The following KCNIP4 variants were observed in gnomAD, a reference collection of about 807,000 sequenced individuals.
KCNIP4 encodes the protein Kv channel-interacting protein 4.
KCNIP4 carries 12 observed loss-of-function variants against 34.0 expected under a neutral mutation model. The observed-to-expected ratio is 0.35, with a 90% CI of 0.23 to 0.57. The LOEUF is 0.57. Among genes scored for constraint, KCNIP4 ranks in the 20% least tolerant of loss-of-function variants. The probability of loss-of-function intolerance (pLI) is 0.83; values close to 1 mark genes in which losing one functional copy is unlikely to be tolerated. For synonymous variants in KCNIP4, 124 were observed against 102.2 expected, an observed-to-expected ratio of 1.21 and a Z score of -1.29; for missense variants, 238 against 311.7, an observed-to-expected ratio of 0.76 and a Z score of 1.78.
chr4:21,386,135 T>C (rs889092362), intron 1 of KCNIP4, among the ~76,000 whole-genome samples: 2 of 152,174 alleles, frequency 1.3e-5, no homozygotes, highest in Non-Finnish European at 2.9e-5. Flanking sequence ...TTTCAGAACC[T>C]TGTGGTTTGT....
At chr4:21,335,408 G>A (rs569760841) in intron 1 of KCNIP4, among the ~76,000 whole-genome samples, 14 of 152,190 alleles carry the variant, frequency 9.2e-5, no homozygotes, top group African/African-American at 3.4e-4. Flanking sequence ...GGCATAGCCA[G>A]CACATAGCAC....
intron 1 of KCNIP4, among the ~76,000 whole-genome samples, chr4:21,340,230 A>C (rs1578099572): frequency 6.7e-6 from 1 of 149,180 alleles, no homozygotes; most frequent in Non-Finnish European, 1.5e-5. Context: ...CTACAAATTT[A>C]TGATCTCCTA....
At chr4:20,918,809 C>A (rs1213214126) in intron 1 of KCNIP4, among the ~76,000 whole-genome samples, 1 of 152,172 alleles carries the variant, frequency 6.6e-6, no homozygotes, top group Admixed American at 6.5e-5. Context: ...TGAGTCCAGA[C>A]TCAATCCAAA....
At chr4:21,304,435 A>C (rs1299228104) in intron 1 of KCNIP4, 2 of 152,456 alleles carry the variant, frequency 1.3e-5, no homozygotes, top group African/African-American at 4.8e-5. Context: ...CGCCGCCGCC[A>C]CCAGTGGCTT....
At chr4:21,627,080 C>A (rs1174898206) in intron 1 of KCNIP4, among the ~76,000 whole-genome samples, 1 of 152,096 alleles carries the variant, frequency 6.6e-6, no homozygotes, top group Non-Finnish European at 1.5e-5. Flanking sequence ...CTTCAGAAAA[C>A]TTTTGCTATT....
chr4:21,179,023 C>T (rs1169121769), intron 1 of KCNIP4, among the ~76,000 whole-genome samples: 1 of 151,904 alleles, frequency 6.6e-6, no homozygotes, highest in Non-Finnish European at 1.5e-5. Context: ...TGCCATGTTG[C>T]CCAGGCTGGT....
intron 1 of KCNIP4, among the ~76,000 whole-genome samples, chr4:21,186,646 T>A (rs1267288623): frequency 6.6e-6 from 1 of 152,048 alleles, no homozygotes; most frequent in Non-Finnish European, 1.5e-5. Context: ...CCTTTTTAAG[T>A]TTATTTGTTT....
intron 1 of KCNIP4, among the ~76,000 whole-genome samples, chr4:21,751,009 G>T (rs147808273): frequency 6.6e-6 from 1 of 152,134 alleles, no homozygotes; most frequent in Non-Finnish European, 1.5e-5. Flanking sequence ...ACTGTAGGAC[G>T]TAGGGGGTGT....
At chr4:21,052,563 G>A (rs1439662679) in intron 1 of KCNIP4, among the ~76,000 whole-genome samples, 1 of 152,184 alleles carries the variant, frequency 6.6e-6, no homozygotes, top group Admixed American at 6.5e-5. Flanking sequence ...TTTCTAGGAA[G>A]TATGCAGAAA....
intron 1 of KCNIP4, among the ~76,000 whole-genome samples, chr4:21,922,191 C>G (rs1045116677): frequency 6.6e-6 from 1 of 152,202 alleles, no homozygotes; most frequent in African/African-American, 2.4e-5. Flanking sequence ...AAAGTCAGCT[C>G]TTCAAAGAAG....
chr4:21,434,414 T>C (rs972928790), intron 1 of KCNIP4, among the ~76,000 whole-genome samples: 7 of 152,146 alleles, frequency 4.6e-5, no homozygotes, highest in Non-Finnish European at 1.0e-4. Flanking sequence ...TTTTAGAATT[T>C]GAACTTTTTT....
intron 1 of KCNIP4, among the ~76,000 whole-genome samples, chr4:21,172,151 C>T (rs1754063947): frequency 1.3e-5 from 2 of 152,076 alleles, no homozygotes; most frequent in African/African-American, 4.8e-5. Context: ...CCTCAGCCTC[C>T]CGAGTAGCTG....
intron 1 of KCNIP4, among the ~76,000 whole-genome samples, chr4:21,839,517 G>T (rs1268116346): frequency 2.0e-5 from 3 of 152,218 alleles, no homozygotes; most frequent in African/African-American, 7.2e-5. Context: ...ACTTTGGGAG[G>T]CCGAGGTGGG....
intron 1 of KCNIP4, among the ~76,000 whole-genome samples, chr4:21,699,724 A>T (rs1472525598): frequency 6.6e-6 from 1 of 152,154 alleles, no homozygotes; most frequent in Non-Finnish European, 1.5e-5. Context: ...AGACATTTTC[A>T]TGGATAAAGT....
At chr4:20,811,826 A>T (rs1168897709) in intron 3 of KCNIP4, among the ~76,000 whole-genome samples, 1 of 152,204 alleles carries the variant, frequency 6.6e-6, no homozygotes, top group Non-Finnish European at 1.5e-5. Context: ...GAAGTTGCTT[A>T]TGATCTTGTA....
intron 1 of KCNIP4, among the ~76,000 whole-genome samples, chr4:21,881,915 C>T (rs2109386052): frequency 6.6e-6 from 1 of 152,218 alleles, no homozygotes; most frequent in East Asian, 1.9e-4. Flanking sequence ...CTCTCATTTA[C>T]TATAGACCCG....
intron 1 of KCNIP4, among the ~76,000 whole-genome samples, chr4:21,624,292 C>T (rs1745178686): frequency 6.6e-6 from 1 of 152,104 alleles, no homozygotes; most frequent in Admixed American, 6.6e-5. Flanking sequence ...ATTTTCATAG[C>T]ATATATTCCA....
chr4:21,604,260 A>C (rs1743455761), intron 1 of KCNIP4, among the ~76,000 whole-genome samples: 1 of 152,148 alleles, frequency 6.6e-6, no homozygotes, highest in South Asian at 2.1e-4. Flanking sequence ...TTAGAAACCT[A>C]AGAGTAACAG....
At chr4:20,926,892 A>T (rs959110773) in intron 1 of KCNIP4, among the ~76,000 whole-genome samples, 4 of 152,174 alleles carry the variant, frequency 2.6e-5, no homozygotes, top group Non-Finnish European at 5.9e-5. Context: ...CCAAAAATAA[A>T]TTTTTACACC....
Sources: gnomAD v4.1 joint callset for allele counts (sites outside exome capture counted in the v4.1 genomes callset) on GRCh38, gnomAD v4.1.1 for gene constraint, MANE v1.5 for transcripts, NCBI Gene and HGNC (gene_info 2026-07-23, HGNC 2026-07-21) for gene names.